The following GALNT7 variants were observed in gnomAD, a reference collection of about 807,000 sequenced individuals.
GALNT7 encodes the protein polypeptide N-acetylgalactosaminyltransferase 7.
Under a neutral mutation model 82.1 loss-of-function variants are expected in GALNT7, and 60 were observed. That is an observed-to-expected ratio of 0.73 (90% CI 0.59 to 0.91). The LOEUF is 0.91. Ranked by LOEUF, GALNT7 falls within the 40% of genes least tolerant of loss-of-function variation. The pLI, the probability that GALNT7 is intolerant of heterozygous loss-of-function variation, is 0.00. For missense variants in GALNT7, 660 were observed against 804.2 expected, an observed-to-expected ratio of 0.82 and a Z score of 2.17; for synonymous variants, 243 against 275.1, an observed-to-expected ratio of 0.88 and a Z score of 1.15.
At chr4:173,260,765 C>T (rs28581661) in intron 2 of GALNT7, among the ~76,000 whole-genome samples, 10,928 of 152,076 alleles carry the variant, frequency 0.072, 803 homozygotes, top group African/African-American at 0.19. Flanking sequence ...AAAAATATCA[C>T]CAAACTTCTA....
chr4:173,287,122 C>A (rs1390325924), intron 2 of GALNT7, among the ~76,000 whole-genome samples: 1 of 152,156 alleles, frequency 6.6e-6, no homozygotes, highest in Admixed American at 6.5e-5. Context: ...TAAACCTGTT[C>A]TTTATTGAAT....
At chr4:173,229,541 A>G (rs1337724150) in intron 1 of GALNT7, among the ~76,000 whole-genome samples, 1 of 152,264 alleles carries the variant, frequency 6.6e-6, no homozygotes, top group East Asian at 1.9e-4. Flanking sequence ...AAGAACATGG[A>G]ATCTGTAGCC....
At chr4:173,274,901 G>A (rs1735846359) in intron 2 of GALNT7, among the ~76,000 whole-genome samples, 1 of 152,156 alleles carries the variant, frequency 6.6e-6, no homozygotes, top group Admixed American at 6.5e-5. Context: ...ATGCTCATGT[G>A]CCTTCTCTGT....
At chr4:173,286,972 C>T (rs1028325977) in intron 2 of GALNT7, among the ~76,000 whole-genome samples, 5 of 152,170 alleles carry the variant, frequency 3.3e-5, no homozygotes, top group Admixed American at 3.3e-4. Flanking sequence ...CAGTGCCTCC[C>T]TGAGACTTCC....
chr4:173,188,615 G>T (rs974566855), intron 1 of GALNT7, among the ~76,000 whole-genome samples: 2 of 152,194 alleles, frequency 1.3e-5, no homozygotes, highest in African/African-American at 4.8e-5. Flanking sequence ...AAGAGAAAGC[G>T]CTGTGGACAG....
intron 1 of GALNT7, among the ~76,000 whole-genome samples, chr4:173,205,482 CT>C (rs1397736911): frequency 6.6e-6 from 1 of 151,740 alleles, no homozygotes; most frequent in East Asian, 1.9e-4. Flanking sequence ...TTATTCTGTT[CT>C]TCTCTCTTGC....
Position 173,248,369 on chromosome 4 carries a change from G to C in GALNT7, c.516G>C (p.Glu172Asp), listed in dbSNP as rs766073687. ...AAGCAATTCAAGCCAGCATTAAAGA[G>C]TTTGGATTTAACATGGTGGCAAGTG... ...FKQAIQASIK[E>D]FGFNMVASDM... Residue 172 changes from glutamate (E) to aspartate (D), a missense_variant, in exon 2 of 12, where the codon GAG (glutamate) becomes GAC (aspartate). Around this residue, in one of 2 missense-constraint regions of GALNT7, gnomAD observed 527 missense variants for 683.5 expected, o/e 0.77. Transcript: ENST00000265000. 3 of 1,613,842 alleles carry C rather than the reference G, an allele frequency of 1.9e-6. No homozygotes were observed. The highest frequency in any genetic ancestry group is 2.5e-6 in the Non-Finnish European group (3 of 1,179,806).
At chr4:173,298,065 G>C (rs1736785282) in intron 5 of GALNT7, 50 bp from the exon 6 acceptor site, 2 of 1,574,538 alleles carry the variant, frequency 1.3e-6, no homozygotes, top group Admixed American at 3.4e-5. Flanking sequence ...AAATGTGTGG[G>C]TCCATACATA....
At chr4:173,214,174 A>G (rs141775329) in intron 1 of GALNT7, among the ~76,000 whole-genome samples, 204 of 152,246 alleles carry the variant, frequency 1.3e-3, no homozygotes, top group African/African-American at 4.8e-3. Flanking sequence ...CTAACTAGAG[A>G]AGTGATCATT....
Position 173,322,848 on chromosome 4 carries a change from T to A in GALNT7, c.*1131T>A, listed in dbSNP as rs982932255. 1 of 152,190 alleles carries A rather than the reference T, an allele frequency of 6.6e-6. No homozygotes were observed. The highest frequency in any genetic ancestry group is 1.5e-5 in the Non-Finnish European group (1 of 68,038). The allele number at this position is 152,190 out of a possible 1,614,324, so 9.4% of individuals were successfully genotyped here. On this transcript the variant is annotated 3_prime_UTR_variant, in exon 12 of 12. Coordinates refer to ENST00000265000, the MANE Select transcript of GALNT7 (RefSeq NM_017423.3). ...ATCCAAATGACATTATCTGCACGTT[T>A]TTAAAATTTAAAAACAAAGGACTAT...
chr4:173,246,969 G>A (rs536278169), intron 1 of GALNT7, among the ~76,000 whole-genome samples: 3 of 152,038 alleles, frequency 2.0e-5, no homozygotes, highest in South Asian at 2.1e-4. Context: ...TAATTATAAC[G>A]AGCAGCCCTC....
chr4:173,169,069 C>G (rs1347670198), intron 1 of GALNT7, 108 bp downstream of exon 1: 4 of 1,056,304 alleles, frequency 3.8e-6, no homozygotes, highest in Non-Finnish European at 5.3e-6. Context: ...GCGTGGGCAC[C>G]GCAGCTCCGC....
intron 2 of GALNT7, among the ~76,000 whole-genome samples, chr4:173,286,171 A>G (rs1371715570): frequency 6.6e-6 from 1 of 152,232 alleles, no homozygotes; most frequent in African/African-American, 2.4e-5. Context: ...AAAATTTTAC[A>G]GAGAATGTAA....
chr4:173,265,259 TA>T (rs1432379754), intron 2 of GALNT7, among the ~76,000 whole-genome samples: 1 of 152,176 alleles, frequency 6.6e-6, no homozygotes, highest in Non-Finnish European at 1.5e-5. Flanking sequence ...CTTCCTCTAT[TA>T]GCCTTTGTTT....
At chr4:173,277,047 T>G (rs991211352) in intron 2 of GALNT7, among the ~76,000 whole-genome samples, 1 of 145,614 alleles carries the variant, frequency 6.9e-6, no homozygotes, top group African/African-American at 2.4e-5. Flanking sequence ...GATTGATAGA[T>G]TGATTGATTA....
At chr4:173,245,119 T>A (rs1219069313) in intron 1 of GALNT7, among the ~76,000 whole-genome samples, 1 of 148,570 alleles carries the variant, frequency 6.7e-6, no homozygotes, top group African/African-American at 2.5e-5. Flanking sequence ...TGGAAGAGAA[T>A]GAAATAACCT....
At position 173,302,312 on chromosome 4, in the gene GALNT7, A is replaced by T; in HGVS notation, c.1266+148A>T. 2 of 663,826 alleles carry T rather than the reference A, an allele frequency of 3.0e-6. No individual in the cohort carries two copies. The highest frequency in any genetic ancestry group is 2.7e-6 in the Non-Finnish European group (1 of 372,012). The allele number at this position is 663,826 out of a possible 1,614,324, so 41.1% of individuals were successfully genotyped here. ...GTATAGAATGATTTAATGAAAATGG[A>T]TGCCTTTGAGGAAAAAATAAGGCAA... On this transcript the variant is annotated intron_variant, in intron 7 of 11. Transcript: ENST00000265000. The surrounding 1 kb of genome is among the most constrained non-coding windows in gnomAD (Gnocchi z 4.2).
At chr4:173,267,852 G>T (rs1208243280) in intron 2 of GALNT7, among the ~76,000 whole-genome samples, 1 of 152,138 alleles carries the variant, frequency 6.6e-6, no homozygotes, top group East Asian at 1.9e-4. Flanking sequence ...GAGCTCCACC[G>T]GTTGGAGGTC....
chr4:173,317,399 G>A (rs748008041), intron 9 of GALNT7: 21 of 316,204 alleles, frequency 6.6e-5, no homozygotes, highest in South Asian at 4.5e-4. Context: ...GGTATTTTAC[G>A]GAAATGTATA....
Sources: allele counts gnomAD v4.1 joint callset (sites outside exome capture counted in the v4.1 genomes callset), GRCh38; gene constraint gnomAD v4.1.1; regional missense constraint gnomAD v4.1.1; non-coding constraint Gnocchi (gnomAD v3.1); transcripts MANE v1.5; gene names NCBI Gene and HGNC (gene_info 2026-07-23, HGNC 2026-07-21).